Variants in GLRX2 observed in about 807,000 individuals in gnomAD.
The protein encoded by GLRX2 is glutaredoxin 2, also known as bA101E13.1 (GRX2 glutaredoxin (thioltransferase) 2).
Under a neutral mutation model 16.4 loss-of-function variants are expected in GLRX2, and 12 were observed. The observed-to-expected ratio is 0.73, with a 90% CI of 0.47 to 1.19. The LOEUF is 1.19. Among genes scored for constraint, GLRX2 ranks in the 50% most tolerant of loss-of-function variants. The probability of loss-of-function intolerance (pLI) is 0.00; values close to 1 mark genes in which losing one functional copy is unlikely to be tolerated. For synonymous variants in GLRX2, 95 were observed against 76.2 expected, an observed-to-expected ratio of 1.25 and a Z score of -1.28; for missense variants, 201 against 201.8, an observed-to-expected ratio of 1.00 and a Z score of 0.02.
intron 1 of GLRX2, among the ~76,000 whole-genome samples, chr1:193,104,604 C>G (rs1163049970): frequency 6.6e-6 from 1 of 152,274 alleles, no homozygotes; most frequent in Non-Finnish European, 1.5e-5. Flanking sequence ...TGCGAGCCGG[C>G]AGGACCGCCA....
intron 2 of GLRX2, among the ~76,000 whole-genome samples, chr1:193,099,172 C>T (rs79980797): frequency 0.028 from 4,280 of 152,268 alleles, 106 homozygotes; most frequent in Admixed American, 0.05. Flanking sequence ...GGTTTGAAAA[C>T]TACCTTCCAG....
intron 2 of GLRX2, 140 bp from the exon 3 acceptor site, chr1:193,097,900 G>T (rs776368285): frequency 1.9e-6 from 1 of 525,556 alleles, no homozygotes; most frequent in Non-Finnish European, 3.2e-6. Context: ...TTTCTCATCT[G>T]CAGATTGAGG....
rs572478542 is a variant in GLRX2, at chr1:193,097,597, G to A, written c.347C>T (p.Thr116Ile). Reference protein sequence around the residue: ...NQFQDALYKMTGERTVPRIFV... With the variant: ...NQFQDALYKMIGERTVPRIFV... ...GGATATACTCACAGTTCTTTCACCAGTCATTTTGTAAAGAGCATCTTGGAA... is the reference window on the plus strand; with the variant it reads ...GGATATACTCACAGTTCTTTCACCAATCATTTTGTAAAGAGCATCTTGGAA... The change falls in exon 3 of 4, where the codon ACT (threonine) becomes ATT (isoleucine). Residue 116 changes from threonine to isoleucine, a missense_variant. By Grantham distance (89) the Thr-to-Ile change is moderately conservative. Transcript: ENST00000367439. 46 of 1,606,880 alleles carry A rather than the reference G, an allele frequency of 2.9e-5. No individual in the cohort carries two copies. The East Asian group carries it at 5.8e-4, about 20-fold the overall frequency.
At chr1:193,098,273 G>C (rs1234686383) in intron 2 of GLRX2, among the ~76,000 whole-genome samples, 2 of 152,112 alleles carry the variant, frequency 1.3e-5, no homozygotes, top group Non-Finnish European at 2.9e-5. Flanking sequence ...GGGTACAGTG[G>C]CTCATACCTG....
chr1:193,099,810 T>C (rs907312691), intron 2 of GLRX2, among the ~76,000 whole-genome samples: 1 of 152,182 alleles, frequency 6.6e-6, no homozygotes, highest in African/African-American at 2.4e-5. Flanking sequence ...TTGTGTTTAC[T>C]AGTAATATTT....
At chr1:193,105,486 C>A, upstream of GLRX2, 1 of 1,505,406 alleles carries the variant, frequency 6.6e-7, no homozygotes, top group African/African-American at 1.4e-5. Flanking sequence ...CCGTCCCGCC[C>A]CTCCGGACTG....
chr1:193,100,997 A>C, intron 2 of GLRX2, 144 bp downstream of exon 2: 1 of 678,342 alleles, frequency 1.5e-6, no homozygotes, highest in South Asian at 1.6e-5. Context: ...TGATTTTCAT[A>C]GCAGATTTTA....
chr1:193,105,322 C>A lies in GLRX2; in HGVS notation c.61G>T (p.Ala21Ser), dbSNP rs1343687624. The A allele has an allele frequency of 1.3e-6, 2 of 1,535,638 alleles. No homozygotes were observed. The highest frequency in any genetic ancestry group is 2.5e-5 in the East Asian group (1 of 39,742). Residue 21 changes from alanine (A) to serine (S), a missense_variant, in exon 1 of 4, where the codon GCA becomes TCA. Coordinates refer to ENST00000367439, the MANE Select transcript of GLRX2 (RefSeq NM_197962.3). Reference protein sequence around the residue: ...TRLVWSRSGSAGWLDRAAGAA... With the variant: ...TRLVWSRSGSSGWLDRAAGAA... ...CCCGCCGCCCTGTCAAGCCAGCCTG[C>A]CGAGCCGCTCCTGCTCCAAACCAGC... is the stretch of plus-strand genomic sequence containing the variant.
intron 2 of GLRX2, among the ~76,000 whole-genome samples, chr1:193,100,739 C>T (rs35358794): frequency 0.026 from 3,952 of 152,256 alleles, 80 homozygotes; most frequent in African/African-American, 0.057. Context: ...GGATGGTTTA[C>T]GGAGTAACTA....
intron 2 of GLRX2, among the ~76,000 whole-genome samples, chr1:193,098,568 C>T (rs949751769): frequency 6.6e-6 from 1 of 151,800 alleles, no homozygotes; most frequent in East Asian, 1.9e-4. Flanking sequence ...TTGTACATTT[C>T]TTTTTTTTGA....
At chr1:193,105,658 T>G (rs1334622083), upstream of GLRX2, 3 of 1,597,424 alleles carry the variant, frequency 1.9e-6, no homozygotes, top group Non-Finnish European at 2.6e-6. Flanking sequence ...GCCTCTGGAT[T>G]CTTTTAGGTT....
At chr1:193,102,245 G>T (rs1317984742) in intron 1 of GLRX2, among the ~76,000 whole-genome samples, 1 of 152,084 alleles carries the variant, frequency 6.6e-6, no homozygotes, top group Non-Finnish European at 1.5e-5. Flanking sequence ...CATTGGGGGT[G>T]CATTTAAAAT....
intron 1 of GLRX2, 108 bp from the exon 2 acceptor site, chr1:193,101,312 CA>C (rs1290750977): frequency 1.4e-6 from 1 of 733,496 alleles, no homozygotes; most frequent in East Asian, 2.7e-5. Flanking sequence ...GCCAAACTTA[CA>C]AAATAGAAAA....
In GLRX2 at chr1:193,101,125, C is replaced by T; in HGVS notation, c.183+16G>A. Reference sequence around the variant, plus strand: ...CTACAGAGGAAAGTTTTTCAATCATCTCCCACATCACTCACTTGGATCTGG... The same window carrying T: ...CTACAGAGGAAAGTTTTTCAATCATTTCCCACATCACTCACTTGGATCTGG... On this transcript the variant is annotated intron_variant, in intron 2 of 3. Coordinates refer to ENST00000367439, the MANE Select transcript of GLRX2 (RefSeq NM_197962.3). 1 of 1,574,196 alleles carries T rather than the reference C, an allele frequency of 6.4e-7. No individual in the cohort carries two copies. The highest frequency in any genetic ancestry group is 8.7e-7 in the Non-Finnish European group (1 of 1,143,594).
At chr1:193,105,935 C>T (rs780972424), upstream of GLRX2, 33 of 1,046,242 alleles carry the variant, frequency 3.2e-5, no homozygotes, top group Non-Finnish European at 3.8e-5. Context: ...AAGAAAAAAT[C>T]CGGTGTTGAA....
chr1:193,105,194 C>T, intron 1 of GLRX2, 70 bp downstream of exon 1: 1 of 1,473,822 alleles, frequency 6.8e-7, no homozygotes. Flanking sequence ...CACCTCCGCC[C>T]ACCGCTTTCT....
At chr1:193,098,953 CT>C (rs1218103396) in intron 2 of GLRX2, among the ~76,000 whole-genome samples, 1 of 152,194 alleles carries the variant, frequency 6.6e-6, no homozygotes, top group African/African-American at 2.4e-5. Context: ...TATATGATTT[CT>C]TCTTAAAATG....
At chr1:193,101,068 G>T in intron 2 of GLRX2, 73 bp downstream of exon 2, 1 of 885,176 alleles carries the variant, frequency 1.1e-6, no homozygotes, top group Non-Finnish European at 1.9e-6. Context: ...TATTGAATAA[G>T]CATATTAAAT....
chr1:193,100,835 C>T (rs764203208), intron 2 of GLRX2, among the ~76,000 whole-genome samples: 5 of 152,180 alleles, frequency 3.3e-5, no homozygotes, highest in African/African-American at 7.2e-5. Context: ...CTAAGGGCAG[C>T]TTGACTGGTA....
Sources: gnomAD v4.1 joint callset for allele counts (sites outside exome capture counted in the v4.1 genomes callset) on GRCh38, gnomAD v4.1.1 for gene constraint, MANE v1.5 for transcripts, NCBI Gene and HGNC (gene_info 2026-07-23, HGNC 2026-07-21) for gene names.